Variants in ASIC2 observed in about 807,000 individuals in gnomAD.
ASIC2 encodes the protein acid sensing ion channel subunit 2, also known as acid-sensing ion channel 2.
In ASIC2, 25 loss-of-function variants were observed where a neutral mutation model predicts 57.3. That is an observed-to-expected ratio of 0.44 (90% CI 0.32 to 0.61). ASIC2 has a LOEUF of 0.61. ASIC2 is among the 20% of genes least tolerant of loss of function. The pLI is 0.06. For missense variants in ASIC2, 641 were observed against 738.1 expected (o/e 0.87, Z 1.52); for synonymous variants, 319 against 307.5 (o/e 1.04, Z -0.39).
chr17:33,845,088 T>C (rs1208350460), intron 1 of ASIC2, among the ~76,000 whole-genome samples: 1 of 152,238 alleles, frequency 6.6e-6, no homozygotes, highest in Non-Finnish European at 1.5e-5. Context: ...GGAGCTGAAT[T>C]GTCCAGTCAT....
chr17:33,156,111 C>T (rs994768671), intron 1 of ASIC2, among the ~76,000 whole-genome samples: 1 of 151,290 alleles, frequency 6.6e-6, no homozygotes, highest in Non-Finnish European at 1.5e-5. Context: ...CTTAGATACA[C>T]ATCAAAATCA....
chr17:33,540,269 C>A (rs537230813), intron 1 of ASIC2, among the ~76,000 whole-genome samples: 140 of 152,292 alleles, frequency 9.2e-4, no homozygotes, highest in African/African-American at 3.2e-3. Flanking sequence ...ATATTTCCCC[C>A]TTTTCTCTAA....
intron 1 of ASIC2, among the ~76,000 whole-genome samples, chr17:33,454,567 C>A (rs1912382302): frequency 6.6e-6 from 1 of 152,204 alleles, no homozygotes; most frequent in Non-Finnish European, 1.5e-5. Flanking sequence ...AGGCAAATAA[C>A]CTTTGGCTAA....
chr17:33,429,452 G>A (rs985924013), intron 1 of ASIC2, among the ~76,000 whole-genome samples: 1 of 151,972 alleles, frequency 6.6e-6, no homozygotes, highest in African/African-American at 2.4e-5. Flanking sequence ...GTGCAGTGGC[G>A]TGATCTCGGC....
intron 1 of ASIC2, among the ~76,000 whole-genome samples, chr17:33,354,000 T>C (rs1213115374): frequency 6.6e-6 from 1 of 152,124 alleles, no homozygotes; most frequent in Admixed American, 6.5e-5. Flanking sequence ...CTCACATTCA[T>C]GTTGGAAGGC....
At chr17:33,585,060 G>C (rs1398445308) in intron 1 of ASIC2, among the ~76,000 whole-genome samples, 2 of 152,196 alleles carry the variant, frequency 1.3e-5, no homozygotes, top group African/African-American at 4.8e-5. Flanking sequence ...GTGGGCTACA[G>C]CCTCCTTCCC....
intron 1 of ASIC2, among the ~76,000 whole-genome samples, chr17:33,397,982 A>G (rs1910140644): frequency 6.6e-6 from 1 of 152,224 alleles, no homozygotes; most frequent in South Asian, 2.1e-4. Context: ...AGTGGAAAAA[A>G]AATCTTAGAG....
At chr17:33,614,047 T>C (rs1597807844) in intron 1 of ASIC2, among the ~76,000 whole-genome samples, 1 of 152,314 alleles carries the variant, frequency 6.6e-6, no homozygotes, top group Middle Eastern at 3.4e-3. Context: ...TCCCCAAAAT[T>C]GCACCATTTT....
chr17:33,785,602 A>T (rs1463688300), intron 1 of ASIC2, among the ~76,000 whole-genome samples: 2 of 152,180 alleles, frequency 1.3e-5, no homozygotes, highest in African/African-American at 4.8e-5. Context: ...TTCCTTCCCA[A>T]CAATTTTTTA....
At chr17:33,615,723 G>T (rs999629464) in intron 1 of ASIC2, among the ~76,000 whole-genome samples, 1 of 152,144 alleles carries the variant, frequency 6.6e-6, no homozygotes, top group Non-Finnish European at 1.5e-5. Context: ...TTAGTTTTTA[G>T]ATTTTTCGGG....
chr17:34,027,157 A>C (rs189810238), intron 1 of ASIC2, among the ~76,000 whole-genome samples: 9 of 152,328 alleles, frequency 5.9e-5, no homozygotes, highest in Admixed American at 3.3e-4. Context: ...TCAATACCCC[A>C]AAAAAGTGGC....
chr17:33,237,551 T>G (rs1262645616), intron 1 of ASIC2, among the ~76,000 whole-genome samples: 1 of 152,066 alleles, frequency 6.6e-6, no homozygotes, highest in Admixed American at 6.6e-5. Flanking sequence ...GGTTTCTCCA[T>G]GTTGGTCAGG....
At chr17:33,018,725 G>A (rs1347733727) in intron 7 of ASIC2, among the ~76,000 whole-genome samples, 1 of 152,208 alleles carries the variant, frequency 6.6e-6, no homozygotes, top group Non-Finnish European at 1.5e-5. Context: ...ATATTTGGTG[G>A]TGGTGGCAGG....
intron 1 of ASIC2, among the ~76,000 whole-genome samples, chr17:33,822,718 G>A (rs1432250387): frequency 1.3e-5 from 2 of 152,014 alleles, no homozygotes; most frequent in East Asian, 1.9e-4. Flanking sequence ...TGTTTGGGTG[G>A]GACACTATTA....
At chr17:33,911,173 T>G (rs1335905304) in intron 1 of ASIC2, among the ~76,000 whole-genome samples, 1 of 152,176 alleles carries the variant, frequency 6.6e-6, no homozygotes, top group Non-Finnish European at 1.5e-5. Flanking sequence ...AGAATGATGT[T>G]TTTTCTTTAT....
chr17:33,729,903 T>A (rs1909686417), intron 1 of ASIC2, among the ~76,000 whole-genome samples: 1 of 152,178 alleles, frequency 6.6e-6, no homozygotes, highest in Non-Finnish European at 1.5e-5. Flanking sequence ...TCAAAAACAT[T>A]GCTAAATGCT....
intron 3 of ASIC2, among the ~76,000 whole-genome samples, chr17:33,053,998 T>C (rs2091988046): frequency 6.6e-6 from 1 of 152,116 alleles, no homozygotes; most frequent in African/African-American, 2.4e-5. Context: ...TCTCCTTCCC[T>C]TTCACCACAA....
intron 1 of ASIC2, among the ~76,000 whole-genome samples, chr17:33,418,887 G>C (rs1213471106): frequency 6.6e-6 from 1 of 151,244 alleles, no homozygotes; most frequent in Non-Finnish European, 1.5e-5. Context: ...TCACTCATAA[G>C]TGGGAGTTGA....
chr17:33,444,620 G>T (rs538821095), intron 1 of ASIC2, among the ~76,000 whole-genome samples: 236 of 152,322 alleles, frequency 1.5e-3, no homozygotes, highest in Non-Finnish European at 2.4e-3. Context: ...GTGGGCAAGT[G>T]TTAGGGTAGT....
Sources: gnomAD v4.1 joint callset for allele counts (sites outside exome capture counted in the v4.1 genomes callset) on GRCh38, gnomAD v4.1.1 for gene constraint, MANE v1.5 for transcripts, NCBI Gene and HGNC (gene_info 2026-07-23, HGNC 2026-07-21) for gene names.